Variants in FAT3 observed in about 807,000 individuals in gnomAD.
FAT3 encodes the protein protocadherin Fat 3.
In FAT3, 95 loss-of-function variants were observed where a neutral mutation model predicts 310.2. The ratio of observed to expected loss-of-function variants is 0.31; its 90% CI spans 0.26 to 0.36. The LOEUF (loss-of-function observed/expected upper bound fraction) is 0.36. Among genes scored for constraint, FAT3 ranks in the 10% least tolerant of loss-of-function variants. The probability of loss-of-function intolerance (pLI) is 1.00; values close to 1 mark genes in which losing one functional copy is unlikely to be tolerated. For missense variants in FAT3, 5,408 were observed against 5,715.6 expected (o/e 0.95, Z 1.74); for synonymous variants, 2,314 against 2,192.9 (o/e 1.06, Z -1.54).
intron 2 of FAT3, among the ~76,000 whole-genome samples, chr11:92,521,158 T>A (rs1565380548): frequency 6.6e-6 from 1 of 152,088 alleles, no homozygotes; most frequent in East Asian, 1.9e-4. Context: ...TGTGTGTGCG[T>A]GCACACACAC....
chr11:92,851,172 C>T (rs1026825160), intron 19 of FAT3, among the ~76,000 whole-genome samples: 5 of 152,106 alleles, frequency 3.3e-5, no homozygotes, highest in Admixed American at 1.3e-4. Flanking sequence ...TTTCATATTT[C>T]GTATCACCTA....
Position 92,716,665 on chromosome 11 carries a change from C to T in FAT3, c.3669+19220C>T, listed in dbSNP as rs1174920589. The stretch of plus-strand genomic sequence containing the variant: ...TCCATATATTTTAATTTTCTTTTTA[C>T]TTGCATGTGTACTTGGGGTTGACAT... On this transcript the variant is annotated intron_variant, in intron 4 of 27. Transcript: ENST00000525166. Among the ~76,000 whole-genome samples the T allele has an allele frequency of 3.9e-5, 6 of 152,124 alleles. No individual in the cohort carries two copies. The East Asian group carries it at 9.6e-4, about 24-fold the overall frequency.
At chr11:92,573,379 C>T in intron 3 of FAT3, among the ~76,000 whole-genome samples, 1 of 152,166 alleles carries the variant, frequency 6.6e-6, no homozygotes, top group East Asian at 1.9e-4. Context: ...CCCCTAGTAA[C>T]ATCCCTCTGC....
intron 2 of FAT3, among the ~76,000 whole-genome samples, chr11:92,422,359 G>A (rs1188715322): frequency 6.6e-6 from 1 of 152,026 alleles, no homozygotes; most frequent in Non-Finnish European, 1.5e-5. Context: ...CTCATACTTC[G>A]CTGAGCCTCC....
intron 3 of FAT3, among the ~76,000 whole-genome samples, chr11:92,526,634 A>G (rs1324977622): frequency 6.6e-6 from 1 of 152,220 alleles, no homozygotes; most frequent in African/African-American, 2.4e-5. Context: ...AGTTCAGAGA[A>G]GAACATGCTC....
intron 24 of FAT3, 185 bp from the exon 25 acceptor site, chr11:92,886,811 GTAAA>G (rs1295478397): frequency 1.7e-6 from 1 of 581,132 alleles, no homozygotes; most frequent in East Asian, 2.9e-5. Context: ...AATCCATAAT[GTAAA>G]TCACTTGATT....
chr11:92,648,536 C>G (rs537573163), intron 3 of FAT3, among the ~76,000 whole-genome samples: 5 of 152,292 alleles, frequency 3.3e-5, no homozygotes, highest in African/African-American at 1.2e-4. Flanking sequence ...CTGCCTCCCT[C>G]AGAGCAGAAC....
chr11:92,353,365 T>C lies in FAT3; in HGVS notation c.1253T>C (p.Val418Ala), dbSNP rs1263927371. Residue 418 changes from valine (V) to alanine (A), a missense_variant, in exon 2 of 28, where the codon GTG becomes GCG. By Grantham distance (64) the Val-to-Ala change is moderately conservative. Transcript: ENST00000525166. ...AAATTATCTCCTGGTGAGGATGCAG[T>C]GTACTTTAAAATTAATCCTCGGTCG... is the stretch of plus-strand genomic sequence containing the variant. ...EYKLSPGEDA[V>A]YFKINPRSGL... The C allele has an allele frequency of 2.5e-6, 4 of 1,613,496 alleles. No individual in the cohort carries two copies. The highest frequency in any genetic ancestry group is 3.4e-6 in the Non-Finnish European group (4 of 1,179,758).
At chr11:92,380,179 C>T (rs1372111005) in intron 2 of FAT3, among the ~76,000 whole-genome samples, 4 of 151,288 alleles carry the variant, frequency 2.6e-5, no homozygotes, top group Non-Finnish European at 4.4e-5. Context: ...AATTTGAAAA[C>T]GAATGCGAAT....
At chr11:92,632,884 A>G (rs2135706885) in intron 3 of FAT3, among the ~76,000 whole-genome samples, 1 of 152,262 alleles carries the variant, frequency 6.6e-6, no homozygotes, top group Middle Eastern at 3.4e-3. Context: ...CTTTGGAGAA[A>G]CACATCTTAG....
Position 92,289,771 on chromosome 11 carries a change from T to C in FAT3, c.-17-62325T>C, listed in dbSNP as rs1023770952. The stretch of plus-strand genomic sequence containing the variant: ...GGCCCATTATCTGTCTGTAGGATTA[T>C]TGCAGTAGCCTCTTTACTGGTCTCT... On this transcript the variant is annotated intron_variant, in intron 1 of 27. Coordinates refer to ENST00000525166, the MANE Select transcript of FAT3 (RefSeq NM_001367949.2). Among the ~76,000 whole-genome samples, 6 of 152,098 alleles carry C rather than the reference T, an allele frequency of 3.9e-5. No homozygotes were observed. The East Asian group carries it at 9.7e-4, about 25-fold the overall frequency.
intron 19 of FAT3, among the ~76,000 whole-genome samples, chr11:92,847,315 C>T (rs1292909992): frequency 6.6e-6 from 1 of 152,142 alleles, no homozygotes; most frequent in Non-Finnish European, 1.5e-5. Context: ...GTGTTCAGTA[C>T]AGTAGCATGC....
chr11:92,269,151 T>C (rs1046680414), intron 1 of FAT3, among the ~76,000 whole-genome samples: 2 of 151,094 alleles, frequency 1.3e-5, no homozygotes, highest in East Asian at 1.9e-4. Flanking sequence ...TTCATTAGAC[T>C]GAAGGTCAAA....
intron 2 of FAT3, among the ~76,000 whole-genome samples, chr11:92,507,294 A>G (rs1953134319): frequency 1.3e-5 from 2 of 152,162 alleles, no homozygotes; most frequent in African/African-American, 2.4e-5. Context: ...GAGAAACTCA[A>G]TTAGAGAAAA....
rs548127352 is a variant in FAT3 at position 92,257,439 on chromosome 11, AG to A, written c.-18+32268del. On this transcript the variant is annotated intron_variant, in intron 1 of 27. Transcript: ENST00000525166. The stretch of plus-strand genomic sequence containing the variant: ...GGAAAATTGCTGGAGAGTGAACTAT[AG>A]GGAACAATCTTGAATTGGTCTCTTG... 6.6e-5 allele frequency among the ~76,000 whole-genome samples: 10 copies of A among 152,260 alleles called. No homozygotes were observed. In the East Asian group the frequency reaches 1.7e-3, roughly 26 times the overall value.
At chr11:92,317,602 T>G (rs1214061620) in intron 1 of FAT3, among the ~76,000 whole-genome samples, 1 of 152,222 alleles carries the variant, frequency 6.6e-6, no homozygotes, top group Non-Finnish European at 1.5e-5. Flanking sequence ...ATCTATGGCT[T>G]TTTCATGGTT....
intron 10 of FAT3, among the ~76,000 whole-genome samples, chr11:92,802,668 T>C (rs888197310): frequency 6.6e-6 from 1 of 151,950 alleles, no homozygotes; most frequent in African/African-American, 2.4e-5. Flanking sequence ...TAAAAACTAT[T>C]TGGGGGGTGG....
chr11:92,551,441 T>TGTGTGTGTGTGC (rs2135438931), intron 3 of FAT3, among the ~76,000 whole-genome samples: 1 of 151,780 alleles, frequency 6.6e-6, no homozygotes, highest in East Asian at 1.9e-4. Context: ...TGTGTGTGTG[T>TGTGTGTGTGTGC]GTGTTTTCTC....
intron 1 of FAT3, among the ~76,000 whole-genome samples, chr11:92,343,645 T>G (rs923005991): frequency 1.5e-4 from 23 of 152,304 alleles, no homozygotes; most frequent in African/African-American, 5.5e-4. Flanking sequence ...CTCTATTTGC[T>G]TTTTTTCTAG....
Sources: gnomAD v4.1 joint callset for allele counts (sites outside exome capture counted in the v4.1 genomes callset) on GRCh38, gnomAD v4.1.1 for gene constraint, MANE v1.5 for transcripts, NCBI Gene and HGNC (gene_info 2026-07-23, HGNC 2026-07-21) for gene names.